Variants in AGMO observed in about 807,000 individuals in gnomAD.
AGMO encodes the protein alkylglycerol monooxygenase, also known as glyceryl-ether monooxygenase.
A neutral mutation model predicts 60.2 loss-of-function variants in AGMO; 75 were observed. The ratio of observed to expected loss-of-function variants is 1.25; its 90% CI spans 1.03 to 1.51. AGMO has a LOEUF of 1.51. Ranked by LOEUF, AGMO falls within the 40% of genes most tolerant of loss-of-function variation. The pLI, the probability that AGMO is intolerant of heterozygous loss-of-function variation, is 0.00. For missense variants in AGMO, 763 were observed against 525.5 expected, an observed-to-expected ratio of 1.45 and a Z score of -4.42; for synonymous variants, 261 against 177.1, an observed-to-expected ratio of 1.47 and a Z score of -3.76.
At chr7:15,388,533 T>C (rs974512368) in intron 8 of AGMO, among the ~76,000 whole-genome samples, 2 of 152,228 alleles carry the variant, frequency 1.3e-5, no homozygotes, top group African/African-American at 4.8e-5. Flanking sequence ...TCTATCATTC[T>C]GGACACAAGC....
At chr7:15,475,330 G>C (rs1426213411) in intron 3 of AGMO, among the ~76,000 whole-genome samples, 2 of 152,020 alleles carry the variant, frequency 1.3e-5, no homozygotes, top group Non-Finnish European at 1.5e-5. Flanking sequence ...AGAAAATGTG[G>C]CACATATACA....
rs537945677 is a variant in AGMO at position 15,300,408 on chromosome 7, G to A, written c.1263+65106C>T. Among the ~76,000 whole-genome samples, 7 of 152,238 alleles carry A rather than the reference G, an allele frequency of 4.6e-5. No homozygotes were observed. The South Asian group carries it at 1.0e-3, about 23-fold the overall frequency. The stretch of plus-strand genomic sequence containing the variant: ...GCATATTCTTAGGCATAGCAGCTAC[G>A]TGATGGGATTAAATTATCACAGTTG... On this transcript the variant is annotated intron_variant, in intron 12 of 12. Coordinates refer to ENST00000342526, the MANE Select transcript of AGMO (RefSeq NM_001004320.2).
the AGMO span, among the ~76,000 whole-genome samples, chr7:15,184,313 G>C: frequency 9.6e-6 from 1 of 103,698 alleles, no homozygotes; most frequent in Non-Finnish European, 1.9e-5. Context: ...CAGGGAGGGA[G>C]GGAAGGAGGG....
At chr7:15,350,627 A>C (rs1308398984) in intron 12 of AGMO, among the ~76,000 whole-genome samples, 1 of 152,136 alleles carries the variant, frequency 6.6e-6, no homozygotes, top group African/African-American at 2.4e-5. Flanking sequence ...GGGTTCAATA[A>C]AAAAGAGCTG....
At chr7:15,484,327 C>A (rs113426963) in intron 3 of AGMO, among the ~76,000 whole-genome samples, 21 of 152,084 alleles carry the variant, frequency 1.4e-4, no homozygotes, top group African/African-American at 4.8e-4. Flanking sequence ...CAAAATGTAT[C>A]GTACAAATTC....
chr7:15,365,397 A>AAAAAAAAAAAAAAAAAAAAAAT (rs1782934414), intron 12 of AGMO, 117 bp downstream of exon 12: 2 of 486,322 alleles, frequency 4.1e-6, no homozygotes, highest in Non-Finnish European at 7.1e-6. Flanking sequence ...AAAAAAAAAG[A>AAAAAAAAAAAAAAAAAAAAAAT]TCAAGATTTC....
At chr7:15,149,199 A>C in the AGMO span, among the ~76,000 whole-genome samples, 3 of 151,958 alleles carry the variant, frequency 2.0e-5, no homozygotes, top group African/African-American at 4.8e-5. Context: ...TAACTTCTTC[A>C]TATATTCTGG....
At chr7:15,557,596 ATT>A (rs530682271) in intron 2 of AGMO, among the ~76,000 whole-genome samples, 1 of 149,984 alleles carries the variant, frequency 6.7e-6, no homozygotes, top group South Asian at 2.1e-4. Flanking sequence ...TGGGTTTGGG[ATT>A]TTTTTTTAAT....
intron 12 of AGMO, among the ~76,000 whole-genome samples, chr7:15,220,550 A>C (rs185506985): frequency 2.0e-4 from 30 of 151,950 alleles, no homozygotes; most frequent in Non-Finnish European, 3.7e-4. Flanking sequence ...AAAAATATCA[A>C]ATATGAATTG....
At chr7:15,512,728 A>G (rs1228822847) in intron 3 of AGMO, among the ~76,000 whole-genome samples, 1 of 152,266 alleles carries the variant, frequency 6.6e-6, no homozygotes. Context: ...TTCTATTTCA[A>G]TGTATTTTTA....
chr7:15,349,329 T>A (rs1782148817), intron 12 of AGMO, among the ~76,000 whole-genome samples: 2 of 152,118 alleles, frequency 1.3e-5, no homozygotes, highest in South Asian at 4.1e-4. Flanking sequence ...GGAACCACTG[T>A]GAGTGCCATC....
chr7:15,332,749 C>T (rs1284441712), intron 12 of AGMO, among the ~76,000 whole-genome samples: 1 of 151,618 alleles, frequency 6.6e-6, no homozygotes, highest in Non-Finnish European at 1.5e-5. Context: ...TATTGTTATT[C>T]AAAATAAAAA....
chr7:15,470,367 T>C lies in AGMO; in HGVS notation c.410-39259A>G, dbSNP rs1782419096. ...AATACAACATTAATGGTCTAAATAG[T>C]CATGTTGTAGATTTATGGCTTCTTT... On this transcript the variant is annotated intron_variant, in intron 3 of 12. Coordinates refer to ENST00000342526, the MANE Select transcript of AGMO (RefSeq NM_001004320.2). Among the ~76,000 whole-genome samples the C allele has an allele frequency of 3.3e-5, 5 of 152,032 alleles. No homozygotes were observed. The South Asian group carries it at 1.0e-3, about 31-fold the overall frequency.
At chr7:15,493,365 CTTTTTTTTTTTTTTT>C (rs71004387) in intron 3 of AGMO, among the ~76,000 whole-genome samples, 1 of 66,642 alleles carries the variant, frequency 1.5e-5, no homozygotes, top group African/African-American at 6.6e-5. Context: ...ACACACACTT[CTTTTTTTTTTTTTTT>C]TTTTTTTTTT....
At chr7:15,397,241 C>T (rs912692827) in intron 5 of AGMO, among the ~76,000 whole-genome samples, 1 of 152,132 alleles carries the variant, frequency 6.6e-6, no homozygotes, top group African/African-American at 2.4e-5. Flanking sequence ...GAACGGCGGT[C>T]CGCGCATGGT....
At chr7:15,397,260 C>G (rs1325919222) in intron 5 of AGMO, among the ~76,000 whole-genome samples, 1 of 152,046 alleles carries the variant, frequency 6.6e-6, no homozygotes, top group Non-Finnish European at 1.5e-5. Flanking sequence ...GTACCCAGAC[C>G]CTGATCAAGC....
intron 12 of AGMO, among the ~76,000 whole-genome samples, chr7:15,271,829 G>A (rs1783620425): frequency 6.6e-6 from 1 of 151,970 alleles, no homozygotes; most frequent in Non-Finnish European, 1.5e-5. Flanking sequence ...TTATTCTTTC[G>A]AGATATTTTT....
the AGMO span, among the ~76,000 whole-genome samples, chr7:15,193,902 T>C: frequency 6.6e-6 from 1 of 152,266 alleles, no homozygotes; most frequent in Non-Finnish European, 1.5e-5. Flanking sequence ...AACAAATAAA[T>C]TTCTAGGCAA....
At chr7:15,544,089 A>T (rs1470516209) in intron 3 of AGMO, among the ~76,000 whole-genome samples, 3 of 152,090 alleles carry the variant, frequency 2.0e-5, no homozygotes, top group African/African-American at 7.2e-5. Context: ...ATGGAATTGG[A>T]AACTATTATT....
Sources: gnomAD v4.1 joint callset for allele counts (sites outside exome capture counted in the v4.1 genomes callset) on GRCh38, gnomAD v4.1.1 for gene constraint, MANE v1.5 for transcripts, NCBI Gene and HGNC (gene_info 2026-07-23, HGNC 2026-07-21) for gene names.